The following ABI1 variants were observed in gnomAD, a reference collection of about 807,000 sequenced individuals.
ABI1 encodes Abelson interactor 1.
ABI1 carries 14 observed loss-of-function variants against 54.6 expected under a neutral mutation model. That is an observed-to-expected ratio of 0.26 (90% CI 0.17 to 0.40). ABI1 has a LOEUF of 0.40. ABI1 is among the 10% of genes least tolerant of loss of function. The pLI is 1.00. For synonymous variants in ABI1, 194 were observed against 209.3 expected, an observed-to-expected ratio of 0.93 and a Z score of 0.63; for missense variants, 443 against 598.3, an observed-to-expected ratio of 0.74 and a Z score of 2.71.
At chr10:26,778,515 G>T (rs893081547) in intron 2 of ABI1, among the ~76,000 whole-genome samples, 3 of 149,844 alleles carry the variant, frequency 2.0e-5, no homozygotes, top group African/African-American at 7.3e-5. Context: ...AAAAAAAAAG[G>T]TACTCCCATG....
At chr10:26,768,747 G>C in intron 6 of ABI1, 105 bp downstream of exon 6, 1 of 817,136 alleles carries the variant, frequency 1.2e-6, no homozygotes. Context: ...TTTTATATTA[G>C]CATTAGAGTG....
chr10:26,803,963 A>T (rs1218325356), intron 2 of ABI1, among the ~76,000 whole-genome samples: 1 of 151,738 alleles, frequency 6.6e-6, no homozygotes, highest in Non-Finnish European at 1.5e-5. Flanking sequence ...AGGATGAAGT[A>T]AAAAAAAATT....
intron 6 of ABI1, among the ~76,000 whole-genome samples, chr10:26,768,109 A>C (rs191092635): frequency 2.1e-4 from 32 of 152,202 alleles, no homozygotes; most frequent in Admixed American, 2.0e-3. Flanking sequence ...TCTCTTAAAA[A>C]AATCTCCCTC....
At chr10:26,750,237 G>A (rs570827757) in intron 10 of ABI1, among the ~76,000 whole-genome samples, 21 of 152,304 alleles carry the variant, frequency 1.4e-4, no homozygotes, top group East Asian at 9.6e-4. Flanking sequence ...GGCTCATGCC[G>A]GTAATCCCAG....
intron 2 of ABI1, among the ~76,000 whole-genome samples, chr10:26,804,574 CAA>C (rs1170896653): frequency 6.6e-6 from 1 of 152,006 alleles, no homozygotes; most frequent in African/African-American, 2.4e-5. Flanking sequence ...AGTGGGAACA[CAA>C]GAGAGATTGA....
At chr10:26,851,625 A>G (rs2050401956) in intron 1 of ABI1, among the ~76,000 whole-genome samples, 1 of 152,106 alleles carries the variant, frequency 6.6e-6, no homozygotes, top group Non-Finnish European at 1.5e-5. Context: ...CAAATTCAGT[A>G]AAGAGAGGAG....
At chr10:26,848,218 A>AG (rs2050130775) in intron 1 of ABI1, among the ~76,000 whole-genome samples, 1 of 149,834 alleles carries the variant, frequency 6.7e-6, no homozygotes, top group Non-Finnish European at 1.5e-5. Context: ...AAAAAAAAAA[A>AG]AAAAGAAGAA....
Position 26,860,946 on chromosome 10 carries a change from C to T in ABI1, c.-83G>A. ...GCCGAGGCTCCGAGCACCTCACAGCCCGGATACAAACCGCCTACCCGCCCT... is the reference window on the plus strand; with the variant it reads ...GCCGAGGCTCCGAGCACCTCACAGCTCGGATACAAACCGCCTACCCGCCCT... On this transcript the variant is annotated 5_prime_UTR_variant, in exon 1 of 11. Transcript: ENST00000376140. The surrounding 1 kb of genome is among the most constrained non-coding windows in gnomAD (Gnocchi z 4.1). 7.7e-7 allele frequency: 1 copy of T among 1,295,372 alleles called. No individual in the cohort carries two copies. The highest frequency in any genetic ancestry group is 2.3e-5 in the East Asian group (1 of 43,230). 80.2% of individuals were successfully genotyped at this position (1,295,372 alleles called of 1,614,324 possible). A position where few individuals can be genotyped will look rare whatever the true frequency, so the allele number is the denominator to read the frequency against.
intron 10 of ABI1, among the ~76,000 whole-genome samples, chr10:26,750,168 T>C (rs1285247969): frequency 6.6e-6 from 1 of 152,224 alleles, no homozygotes; most frequent in Non-Finnish European, 1.5e-5. Flanking sequence ...AGTAGAATAT[T>C]CAAGACTTTC....
intron 10 of ABI1, among the ~76,000 whole-genome samples, chr10:26,750,971 T>C (rs551248472): frequency 1.3e-5 from 2 of 152,240 alleles, no homozygotes; most frequent in African/African-American, 2.4e-5. Flanking sequence ...TTTCTCATGA[T>C]AGTACTAATA....
At chr10:26,753,029 T>C (rs758070897) in intron 9 of ABI1, among the ~76,000 whole-genome samples, 14 of 152,176 alleles carry the variant, frequency 9.2e-5, no homozygotes, top group Non-Finnish European at 1.6e-4. Context: ...ATCTGTCATA[T>C]AGGTTTAAAC....
intron 2 of ABI1, among the ~76,000 whole-genome samples, chr10:26,793,655 A>T (rs1481511873): frequency 6.6e-6 from 1 of 152,194 alleles, no homozygotes; most frequent in Non-Finnish European, 1.5e-5. Context: ...TTACATACCC[A>T]CCTCAAAAAG....
intron 1 of ABI1, among the ~76,000 whole-genome samples, chr10:26,843,485 AATATATATATATAT>A (rs779960397): frequency 9.7e-4 from 33 of 34,160 alleles, no homozygotes; most frequent in East Asian, 6.0e-3. Context: ...AAAAAAAAAA[AATATATATATATAT>A]ATATATATAT....
At chr10:26,774,525 G>A (rs1259454207) in intron 3 of ABI1, among the ~76,000 whole-genome samples, 2 of 152,074 alleles carry the variant, frequency 1.3e-5, no homozygotes, top group Non-Finnish European at 1.5e-5. Flanking sequence ...GTTTCTCTAT[G>A]CTGGGATTCT....
chr10:26,775,455 T>C (rs1219195688), intron 3 of ABI1, among the ~76,000 whole-genome samples: 1 of 152,100 alleles, frequency 6.6e-6, no homozygotes, highest in Non-Finnish European at 1.5e-5. Flanking sequence ...CATTTTATGT[T>C]ATGTGTATCT....
intron 2 of ABI1, among the ~76,000 whole-genome samples, chr10:26,805,756 T>C (rs949638797): frequency 6.6e-6 from 1 of 152,234 alleles, no homozygotes; most frequent in African/African-American, 2.4e-5. Context: ...TCAGGAAGAC[T>C]GATGCTTATT....
chr10:26,801,833 T>C (rs142330651), intron 2 of ABI1, among the ~76,000 whole-genome samples: 106 of 152,328 alleles, frequency 7.0e-4, no homozygotes, highest in African/African-American at 2.4e-3. Context: ...AATGCATGCA[T>C]GCATGCTAGA....
chr10:26,775,241 G>A (rs945113211), intron 3 of ABI1, among the ~76,000 whole-genome samples: 2 of 152,048 alleles, frequency 1.3e-5, no homozygotes, highest in Non-Finnish European at 1.5e-5. Flanking sequence ...AAGACTACTG[G>A]GGAAAAGTAA....
At chr10:26,775,274 C>A (rs897758428) in intron 3 of ABI1, among the ~76,000 whole-genome samples, 7 of 152,090 alleles carry the variant, frequency 4.6e-5, no homozygotes, top group Admixed American at 4.6e-4. Flanking sequence ...GTGTATTTTT[C>A]AGTCACAGAA....
Sources: gnomAD v4.1 joint callset for allele counts (sites outside exome capture counted in the v4.1 genomes callset) on GRCh38, gnomAD v4.1.1 for gene constraint, Gnocchi (gnomAD v3.1) non-coding constraint, MANE v1.5 for transcripts, NCBI Gene and HGNC (gene_info 2026-07-23, HGNC 2026-07-21) for gene names.